Variants in PLEKHH1 observed in about 807,000 individuals in gnomAD.
PLEKHH1 encodes pleckstrin homology, MyTH4 and FERM domain containing H1, also known as pleckstrin homology domain-containing family H member 1.
Under a neutral mutation model 160.0 loss-of-function variants are expected in PLEKHH1, and 104 were observed. The ratio of observed to expected loss-of-function variants is 0.65; its 90% CI spans 0.55 to 0.76. The LOEUF (loss-of-function observed/expected upper bound fraction) is 0.76, where lower values mean the gene tolerates loss of function less well. PLEKHH1 is among the 30% of genes least tolerant of loss of function. PLEKHH1 has a pLI of 0.00. For synonymous variants in PLEKHH1, 619 were observed against 678.4 expected (o/e 0.91, Z 1.36); for missense variants, 1,427 against 1,724.1 (o/e 0.83, Z 3.05).
At chr14:67,572,617 T>TAGAG (rs71281752) in intron 11 of PLEKHH1, among the ~76,000 whole-genome samples, 48,910 of 151,868 alleles carry the variant, frequency 0.32, 8,927 homozygotes, top group Non-Finnish European at 0.39. Flanking sequence ...ATTGAACTCT[T>TAGAG]GGCACCAGGC....
intron 7 of PLEKHH1, 106 bp downstream of exon 7, chr14:67,563,000 T>C (rs1465394757): frequency 1.7e-5 from 20 of 1,191,440 alleles, no homozygotes; most frequent in Non-Finnish European, 2.3e-5. Flanking sequence ...GCTGGCATCC[T>C]CATGGTGGCC....
At chr14:67,556,506 GGGGTTTAAGCAGT>G (rs1474098900) in intron 3 of PLEKHH1, among the ~76,000 whole-genome samples, 2 of 152,014 alleles carry the variant, frequency 1.3e-5, no homozygotes, top group African/African-American at 2.4e-5. Flanking sequence ...TTGAACTCCT[GGGGTTTAAGCAGT>G]CCTCCTGCCT....
intron 26 of PLEKHH1, chr14:67,585,002 T>G (rs1479385782): frequency 1.3e-5 from 2 of 152,354 alleles, no homozygotes; most frequent in East Asian, 3.8e-4. Flanking sequence ...ATTTTCTGGA[T>G]TACCATACTG....
intron 22 of PLEKHH1, 69 bp downstream of exon 22, chr14:67,579,945 C>G: frequency 1.4e-6 from 2 of 1,406,968 alleles, no homozygotes; most frequent in African/African-American, 1.4e-5. Flanking sequence ...GGAAAGAGCC[C>G]ATCTGATGGG....
At chr14:67,585,346 G>A in intron 26 of PLEKHH1, 1 of 533,532 alleles carries the variant, frequency 1.9e-6, no homozygotes, top group Non-Finnish European at 3.4e-6. Context: ...CTTTGAGATG[G>A]TTAGTAGGTG....
intron 1 of PLEKHH1, among the ~76,000 whole-genome samples, chr14:67,537,027 G>T (rs4899208): frequency 1.3e-5 from 2 of 150,276 alleles, no homozygotes; most frequent in Non-Finnish European, 1.5e-5. Context: ...GTGACAGAGC[G>T]AGACTCCATC....
chr14:67,536,987 C>T (rs1303012851), intron 1 of PLEKHH1, among the ~76,000 whole-genome samples: 1 of 150,744 alleles, frequency 6.6e-6, no homozygotes, highest in Non-Finnish European at 1.5e-5. Context: ...TTGCAGTGAG[C>T]CGAGATTGCA....
In PLEKHH1 at chr14:67,571,865, G is replaced by C. The variant is rs2035391712; in HGVS notation, c.1548G>C (p.Lys516Asn). 1 of 1,613,380 alleles carries C rather than the reference G, an allele frequency of 6.2e-7. No individual in the cohort carries two copies. Among genetic ancestry groups the C allele is most frequent in the Non-Finnish European group, 8.5e-7 (1 of 1,179,622 alleles). Residue 516 changes from lysine (K) to asparagine (N), a missense_variant, in exon 10 of 29, where the codon AAG becomes AAC. Around this residue, in one of 6 missense-constraint regions of PLEKHH1, gnomAD observed 831 missense variants for 929.2 expected, o/e 0.89. Coordinates refer to ENST00000329153, the MANE Select transcript of PLEKHH1 (RefSeq NM_020715.3). ...CGGTCCCCTCCTCTGAGTCCAGGAA[G>C]ACCAGCGGACTAGGCAGCCCCCGGG... ...RISVPSSESR[K>N]TSGLGSPRAI...
At chr14:67,540,499 C>T (rs566163762) in intron 1 of PLEKHH1, among the ~76,000 whole-genome samples, 7 of 151,846 alleles carry the variant, frequency 4.6e-5, no homozygotes, top group East Asian at 3.9e-4. Flanking sequence ...TGATGGTGCA[C>T]GCCTGTAATC....
intron 7 of PLEKHH1, among the ~76,000 whole-genome samples, chr14:67,565,416 T>A (rs980173777): frequency 4.6e-5 from 7 of 152,052 alleles, no homozygotes; most frequent in Non-Finnish European, 1.0e-4. Flanking sequence ...GCTAATTTTT[T>A]AAATTTTTTG....
intron 8 of PLEKHH1, chr14:67,569,607 C>T (rs2035275252): frequency 2.2e-6 from 1 of 464,178 alleles, no homozygotes. Context: ...ACAACGAGGG[C>T]TGTGGGGTGG....
chr14:67,576,875 G>A lies in PLEKHH1; in HGVS notation c.2461+372G>A, dbSNP rs895002204. 3.3e-5 allele frequency among the ~76,000 whole-genome samples: 5 copies of A among 152,146 alleles called. No individual in the cohort carries two copies. The highest frequency in any genetic ancestry group is 9.7e-5 in the African/African-American group (4 of 41,434). On this transcript the variant is annotated intron_variant, in intron 17 of 28. Coordinates refer to ENST00000329153, the MANE Select transcript of PLEKHH1 (RefSeq NM_020715.3). This position sits in a 1 kb window ranked among gnomAD's most constrained non-coding sequence, Gnocchi z 4.0. ...AAATTGGGATCGGACTAACCTGTTTGGAGTCTTTCTTTTGCTACTGATTAT... is the reference window on the plus strand; with the variant it reads ...AAATTGGGATCGGACTAACCTGTTTAGAGTCTTTCTTTTGCTACTGATTAT...
chr14:67,581,128 A>C (rs1056904114), intron 23 of PLEKHH1, 90 bp downstream of exon 23: 6 of 810,892 alleles, frequency 7.4e-6, no homozygotes, highest in Non-Finnish European at 1.3e-5. Flanking sequence ...GCCTATCCAG[A>C]CGGGGGGAGG....
Position 67,550,158 on chromosome 14 carries a change from T to TAA in PLEKHH1, c.127-5654_127-5653dup, listed in dbSNP as rs35673382. Among the ~76,000 whole-genome samples the TAA allele has an allele frequency of 3.5e-4, 51 of 145,254 alleles. 1 individual carries two copies. Among genetic ancestry groups the TAA allele is most frequent in the South Asian group, 8.7e-4 (4 of 4,618 alleles). On this transcript the variant is annotated intron_variant, in intron 2 of 28. Coordinates refer to ENST00000329153, the MANE Select transcript of PLEKHH1 (RefSeq NM_020715.3). ...TTTAATTGAACAAAAGATCTGTTGC[T>TAA]AAAAAAAAAAAAAATTGAAAACCAT...
intron 7 of PLEKHH1, among the ~76,000 whole-genome samples, chr14:67,567,342 T>C (rs1359250665): frequency 6.6e-6 from 1 of 152,194 alleles, no homozygotes; most frequent in African/African-American, 2.4e-5. Flanking sequence ...CAGTTAATCC[T>C]TAAAACAACC....
At chr14:67,542,736 T>C (rs2034020698) in intron 2 of PLEKHH1, among the ~76,000 whole-genome samples, 1 of 152,154 alleles carries the variant, frequency 6.6e-6, no homozygotes, top group African/African-American at 2.4e-5. Context: ...GTTTCGCTCT[T>C]GTTGCCCAGG....
In PLEKHH1 at chr14:67,562,119, T is replaced by A. The variant is rs1193308372; in HGVS notation, c.506-18T>A. 6.2e-7 allele frequency: 1 copy of A among 1,611,144 alleles called. No homozygotes were observed. Among genetic ancestry groups the A allele is most frequent in the Admixed American group, 1.7e-5 (1 of 59,850 alleles). Reference sequence around the variant, plus strand: ...GCTACGGGAGCTCTCAATGTGACTGTTTTTACCCGAATCACAGCTATTCAG... The same window carrying A: ...GCTACGGGAGCTCTCAATGTGACTGATTTTACCCGAATCACAGCTATTCAG... On this transcript the variant is annotated intron_variant, in intron 6 of 28. Coordinates refer to ENST00000329153, the MANE Select transcript of PLEKHH1 (RefSeq NM_020715.3).
At position 67,589,103 on chromosome 14, in the gene PLEKHH1, T is replaced by A. The variant is rs2036284820; in HGVS notation, c.*1868T>A. On this transcript the variant is annotated 3_prime_UTR_variant, in exon 29 of 29. Transcript: ENST00000329153. ...AGCTCTGGTTTTATAATATCTTGGG[T>A]ATCTCTAAGGCCAATAAGGATAACA... The A allele has an allele frequency of 6.5e-6, 1 of 153,124 alleles. No individual in the cohort carries two copies. Among genetic ancestry groups the A allele is most frequent in the Non-Finnish European group, 1.5e-5 (1 of 68,548 alleles). 9.5% of individuals were successfully genotyped at this position (153,124 alleles called of 1,614,324 possible).
Position 67,562,739 on chromosome 14 carries a change from T to A in PLEKHH1, c.1108T>A (p.Ser370Thr). The A allele has an allele frequency of 6.2e-7, 1 of 1,613,408 alleles. No homozygotes were observed. Among genetic ancestry groups the A allele is most frequent in the Non-Finnish European group, 8.5e-7 (1 of 1,179,766 alleles). Residue 370 changes from serine to threonine, a missense_variant, in exon 7 of 29, where the codon TCC (serine) becomes ACC (threonine). Physicochemically the swap from Ser to Thr is moderately conservative, Grantham distance 58 (BLOSUM62 1). Coordinates refer to ENST00000329153, the MANE Select transcript of PLEKHH1 (RefSeq NM_020715.3). ...GLPELESRAR[S>T]REEPEKMEME... Reference sequence around the variant, plus strand: ...TCCTGAGCTGGAGTCCCGAGCTAGGTCCCGGGAGGAACCAGAGAAGATGGA... The same window carrying A: ...TCCTGAGCTGGAGTCCCGAGCTAGGACCCGGGAGGAACCAGAGAAGATGGA...
Sources: gnomAD v4.1 joint callset for allele counts (sites outside exome capture counted in the v4.1 genomes callset) on GRCh38, gnomAD v4.1.1 for gene constraint, gnomAD v4.1.1 regional missense constraint, Gnocchi (gnomAD v3.1) non-coding constraint, MANE v1.5 for transcripts, NCBI Gene and HGNC (gene_info 2026-07-23, HGNC 2026-07-21) for gene names.